CNTN5: variants seen among roughly 807,000 people sequenced by gnomAD.
CNTN5 encodes contactin 5, also known as contactin-5.
In CNTN5, 77 loss-of-function variants were observed where a neutral mutation model predicts 129.1. That is an observed-to-expected ratio of 0.60 (90% CI 0.50 to 0.72). The LOEUF is 0.72. CNTN5 is among the 30% of genes least tolerant of loss of function. The probability of loss-of-function intolerance (pLI) is 0.00; values close to 1 mark genes in which losing one functional copy is unlikely to be tolerated. For synonymous variants in CNTN5, 509 were observed against 465.6 expected, an observed-to-expected ratio of 1.09 and a Z score of -1.20; for missense variants, 1,478 against 1,328.8, an observed-to-expected ratio of 1.11 and a Z score of -1.75.
At chr11:100,342,564 G>A (rs1260879528) in intron 23 of CNTN5, among the ~76,000 whole-genome samples, 1 of 152,158 alleles carries the variant, frequency 6.6e-6, no homozygotes, top group Non-Finnish European at 1.5e-5. Flanking sequence ...GAGCTTGGGT[G>A]TAGGGATCCC....
chr11:99,902,155 A>T (rs2135953495), intron 6 of CNTN5, among the ~76,000 whole-genome samples: 2 of 152,170 alleles, frequency 1.3e-5, no homozygotes, highest in Middle Eastern at 6.8e-3. Context: ...ATAGTAGAAG[A>T]TTAGTAACCT....
intron 6 of CNTN5, among the ~76,000 whole-genome samples, chr11:99,863,083 A>G (rs994327104): frequency 6.6e-6 from 1 of 152,160 alleles, no homozygotes; most frequent in Admixed American, 6.6e-5. Flanking sequence ...GCAAAAACTG[A>G]GGATTAGTTT....
At chr11:99,257,827 A>C (rs1417907718) in intron 1 of CNTN5, among the ~76,000 whole-genome samples, 3 of 152,086 alleles carry the variant, frequency 2.0e-5, no homozygotes, top group Non-Finnish European at 4.4e-5. Flanking sequence ...AGAGGATCAC[A>C]ATCATACTTT....
intron 13 of CNTN5, among the ~76,000 whole-genome samples, chr11:100,161,890 ACAAAAAAC>A (rs1947467233): frequency 6.8e-6 from 1 of 146,800 alleles, no homozygotes; most frequent in African/African-American, 2.7e-5. Context: ...AAAACAAAAA[ACAAAAAAC>A]ACACCTAAGC....
intron 3 of CNTN5, among the ~76,000 whole-genome samples, chr11:99,753,476 T>C (rs1944304605): frequency 6.6e-6 from 1 of 151,546 alleles, no homozygotes; most frequent in East Asian, 2.0e-4. Flanking sequence ...AGGGCTAAAA[T>C]ATCCTGCATA....
chr11:99,926,520 T>G, intron 7 of CNTN5, among the ~76,000 whole-genome samples: 1 of 152,138 alleles, frequency 6.6e-6, no homozygotes, highest in Admixed American at 6.5e-5. Flanking sequence ...TAAAATGAGA[T>G]TTTACATTAT....
At chr11:99,615,910 G>A (rs7943707) in intron 3 of CNTN5, among the ~76,000 whole-genome samples, 59,052 of 151,516 alleles carry the variant, frequency 0.39, 11,517 homozygotes, top group Non-Finnish European at 0.43. Flanking sequence ...TAATTTTTGT[G>A]CTTTTTGCCG....
intron 2 of CNTN5, among the ~76,000 whole-genome samples, chr11:99,489,718 G>T (rs1945960534): frequency 6.6e-6 from 1 of 152,100 alleles, no homozygotes; most frequent in African/African-American, 2.4e-5. Flanking sequence ...AGTCTGCCAG[G>T]AGTTGGTACA....
chr11:99,747,412 C>T (rs1944088231), intron 3 of CNTN5, among the ~76,000 whole-genome samples: 1 of 150,850 alleles, frequency 6.6e-6, no homozygotes, highest in Admixed American at 6.6e-5. Flanking sequence ...TTTTCCTTGC[C>T]TAGCCTGGCT....
intron 2 of CNTN5, among the ~76,000 whole-genome samples, chr11:99,462,401 T>C (rs1484834331): frequency 1.4e-5 from 2 of 144,888 alleles, no homozygotes; most frequent in Admixed American, 7.3e-5. Context: ...ACTCCACAAG[T>C]TGGCAAAAAT....
At chr11:100,303,637 C>G (rs75813218) in intron 20 of CNTN5, among the ~76,000 whole-genome samples, 1 of 151,472 alleles carries the variant, frequency 6.6e-6, no homozygotes, top group African/African-American at 2.4e-5. Context: ...ATGTCCTGCT[C>G]ATATATTTAT....
At chr11:99,545,016 G>C (rs1044623351) in intron 2 of CNTN5, among the ~76,000 whole-genome samples, 1 of 152,136 alleles carries the variant, frequency 6.6e-6, no homozygotes, top group Non-Finnish European at 1.5e-5. Flanking sequence ...TTGTCACATT[G>C]TGAGTAAAAT....
At chr11:99,482,766 T>A (rs906908936) in intron 2 of CNTN5, among the ~76,000 whole-genome samples, 1 of 152,058 alleles carries the variant, frequency 6.6e-6, no homozygotes, top group African/African-American at 2.4e-5. Flanking sequence ...CAAAGGCATG[T>A]TCCATGAAAG....
chr11:99,844,179 T>G (rs1419021522), intron 4 of CNTN5, among the ~76,000 whole-genome samples: 1 of 152,240 alleles, frequency 6.6e-6, no homozygotes, highest in Non-Finnish European at 1.5e-5. Context: ...ATTTATGTGC[T>G]CTTCCCACTG....
At chr11:99,088,672 A>G (rs1315247501) in intron 1 of CNTN5, among the ~76,000 whole-genome samples, 2 of 152,190 alleles carry the variant, frequency 1.3e-5, no homozygotes, top group Non-Finnish European at 2.9e-5. Context: ...TAAGACCTGT[A>G]CATTATAGCA....
intron 6 of CNTN5, among the ~76,000 whole-genome samples, chr11:99,886,605 T>G (rs768051313): frequency 6.6e-6 from 1 of 152,120 alleles, no homozygotes; most frequent in African/African-American, 2.4e-5. Flanking sequence ...CCATATACCA[T>G]GAGACATATA....
intron 3 of CNTN5, among the ~76,000 whole-genome samples, chr11:99,768,917 C>G (rs1344040037): frequency 6.6e-6 from 1 of 152,080 alleles, no homozygotes; most frequent in Non-Finnish European, 1.5e-5. Flanking sequence ...TATTGATGAT[C>G]CTTGCCTGAG....
chr11:100,320,436 T>C (rs1034258880), intron 21 of CNTN5, among the ~76,000 whole-genome samples: 2 of 152,202 alleles, frequency 1.3e-5, no homozygotes, highest in Non-Finnish European at 2.9e-5. Context: ...ATATTTTGAA[T>C]GTTAATCCCT....
At chr11:100,084,017 T>C (rs1421409495) in intron 13 of CNTN5, among the ~76,000 whole-genome samples, 5 of 151,974 alleles carry the variant, frequency 3.3e-5, no homozygotes, top group African/African-American at 9.7e-5. Flanking sequence ...ACAAGTCTGG[T>C]TTGTTGTACT....
Sources: gnomAD v4.1 joint callset for allele counts (sites outside exome capture counted in the v4.1 genomes callset) on GRCh38, gnomAD v4.1.1 for gene constraint, MANE v1.5 for transcripts, NCBI Gene and HGNC (gene_info 2026-07-23, HGNC 2026-07-21) for gene names.